Variants in PAX7 observed in about 807,000 individuals in gnomAD.
PAX7 encodes paired box protein Pax-7.
A neutral mutation model predicts 50.7 loss-of-function variants in PAX7; 18 were observed. The ratio of observed to expected loss-of-function variants is 0.36; its 90% confidence interval spans 0.25 to 0.53. The LOEUF (loss-of-function observed/expected upper bound fraction) is 0.53, where lower values mean the gene tolerates loss of function less well. Among genes scored for constraint, PAX7 ranks in the 20% least tolerant of loss-of-function variants. The pLI, the probability that PAX7 is intolerant of heterozygous loss-of-function variation, is 0.93. For missense variants in PAX7, 644 were observed against 702.9 expected (o/e 0.92, Z 0.95); for synonymous variants, 310 against 290.4 (o/e 1.07, Z -0.69).
chr1:18,733,766 A>C (rs2089676834), intron 7 of PAX7, among the ~76,000 whole-genome samples: 1 of 152,132 alleles, frequency 6.6e-6, no homozygotes, highest in Admixed American at 6.5e-5. Flanking sequence ...AGACCCTCTA[A>C]AGTGATCAGA....
rs1431291466 is a variant in PAX7 at position 18,746,162 on chromosome 1, CT to C, written c.*1234del. 7 of 231,940 alleles carry C rather than the reference CT, an allele frequency of 3.0e-5. No individual in the cohort carries two copies. Among genetic ancestry groups the C allele is most frequent in the African/African-American group, 1.1e-4 (5 of 45,358 alleles). 14.4% of individuals were successfully genotyped at this position (231,940 alleles called of 1,614,324 possible). On this transcript the variant is annotated 3_prime_UTR_variant, in exon 9 of 9. Coordinates refer to ENST00000420770, the MANE Select transcript of PAX7 (RefSeq NM_001135254.2). ...TGCCCCACAGACAAGATGATCCCCC[CT>C]GGCATGTTGTTAGGGGCAAATTGCT...
chr1:18,634,267 A>C lies in PAX7; in HGVS notation c.86-36A>C. 1 of 1,547,068 alleles carries C rather than the reference A, an allele frequency of 6.5e-7. No individual in the cohort carries two copies. The highest frequency in any genetic ancestry group is 8.9e-7 in the Non-Finnish European group (1 of 1,125,724). On this transcript the variant is annotated intron_variant, in intron 1 of 8. Coordinates refer to ENST00000420770, the MANE Select transcript of PAX7 (RefSeq NM_001135254.2). The surrounding 1 kb of genome is among the most constrained non-coding windows in gnomAD (Gnocchi z 4.0). ...TGTCTGCTCTCCATCCTCACCCTGC[A>C]CCTCTCTCCTTCTGCATCTCCCCTC...
rs571319511 is a variant in PAX7, at chr1:18,700,348, G to T, written c.787-305G>T. ...GAGCACTGGCCTGAGAGCCACACAG[G>T]ACTGGCTGGACCACTGACTCAACCT... On this transcript the variant is annotated intron_variant, in intron 5 of 8. Coordinates refer to ENST00000420770, the MANE Select transcript of PAX7 (RefSeq NM_001135254.2). This position sits in a 1 kb window ranked among gnomAD's most constrained non-coding sequence, Gnocchi z 4.8. Among the ~76,000 whole-genome samples, 66 of 152,220 alleles carry T rather than the reference G, an allele frequency of 4.3e-4. 1 individual carries two copies. The South Asian group carries it at 5.2e-3, about 12-fold the overall frequency.
intron 5 of PAX7, 81 bp downstream of exon 5, chr1:18,692,034 T>C: frequency 8.9e-6 from 12 of 1,344,830 alleles, no homozygotes; most frequent in Non-Finnish European, 1.2e-5. Context: ...TCAGTGGGTT[T>C]AATGGGACCC....
intron 4 of PAX7, among the ~76,000 whole-genome samples, chr1:18,660,827 C>T (rs1024825351): frequency 4.6e-5 from 7 of 151,868 alleles, no homozygotes; most frequent in East Asian, 3.9e-4. Flanking sequence ...AGAGGACTCA[C>T]GGGGGTGGGG....
intron 4 of PAX7, among the ~76,000 whole-genome samples, chr1:18,637,908 G>A (rs566637145): frequency 1.4e-4 from 22 of 152,364 alleles, no homozygotes; most frequent in South Asian, 1.2e-3. Context: ...GTCTGCGGCG[G>A]GAGGCAGCCC....
intron 4 of PAX7, among the ~76,000 whole-genome samples, chr1:18,662,634 A>T (rs2088616588): frequency 6.6e-6 from 1 of 152,120 alleles, no homozygotes. Flanking sequence ...GCAGTGGCAC[A>T]ATCTAAGCTC....
At position 18,661,833 on chromosome 1, in the gene PAX7, G is replaced by A. The variant is rs369177257; in HGVS notation, c.586+25462G>A. Among the ~76,000 whole-genome samples the A allele has an allele frequency of 3.4e-3, 522 of 152,334 alleles. 4 individuals carry two copies. Among genetic ancestry groups the A allele is most frequent in the African/African-American group, 0.012 (491 of 41,580 alleles). On this transcript the variant is annotated intron_variant, in intron 4 of 8. Coordinates refer to ENST00000420770, the MANE Select transcript of PAX7 (RefSeq NM_001135254.2). ...GAGCACAGCCCTGCCCTCTGCCCGC[G>A]CCTTCCAGTGACAGGGGGTGGGCGG... is the stretch of plus-strand genomic sequence containing the variant.
intron 7 of PAX7, among the ~76,000 whole-genome samples, chr1:18,711,599 A>T (rs2089352309): frequency 1.3e-5 from 2 of 152,082 alleles, no homozygotes; most frequent in Non-Finnish European, 2.9e-5. Context: ...AGCAGGGGAA[A>T]GGCTGTCTCC....
At chr1:18,682,697 G>A (rs2088916772) in intron 4 of PAX7, among the ~76,000 whole-genome samples, 1 of 152,206 alleles carries the variant, frequency 6.6e-6, no homozygotes, top group African/African-American at 2.4e-5. Context: ...GTTTAGCCTT[G>A]GTCCAAGGGC....
intron 8 of PAX7, among the ~76,000 whole-genome samples, chr1:18,743,890 G>T (rs1237173039): frequency 6.6e-6 from 1 of 152,226 alleles, no homozygotes; most frequent in African/African-American, 2.4e-5. Flanking sequence ...ACACACATAT[G>T]TGCATGTGTG....
At chr1:18,698,980 G>T (rs2100315657) in intron 5 of PAX7, among the ~76,000 whole-genome samples, 1 of 152,308 alleles carries the variant, frequency 6.6e-6, no homozygotes, top group South Asian at 2.1e-4. Context: ...TGGGTGATCA[G>T]GTGCCAGGGG....
At chr1:18,717,156 G>T (rs1439242603) in intron 7 of PAX7, among the ~76,000 whole-genome samples, 1 of 152,208 alleles carries the variant, frequency 6.6e-6, no homozygotes, top group Non-Finnish European at 1.5e-5. Context: ...GTCTCCCCGA[G>T]ATAAGGACGC....
intron 4 of PAX7, among the ~76,000 whole-genome samples, chr1:18,649,023 C>T (rs557490262): frequency 6.6e-6 from 1 of 152,276 alleles, no homozygotes; most frequent in African/African-American, 2.4e-5. Flanking sequence ...TGACTGGCTG[C>T]TAGGTTCATT....
At chr1:18,635,322 G>A in intron 3 of PAX7, 82 bp downstream of exon 3, 2 of 1,522,706 alleles carry the variant, frequency 1.3e-6, no homozygotes, top group Non-Finnish European at 1.8e-6. Flanking sequence ...GGGAGAGAGG[G>A]GAGAGGAGAT....
intron 4 of PAX7, among the ~76,000 whole-genome samples, chr1:18,639,439 A>C (rs1411099325): frequency 6.8e-6 from 1 of 146,838 alleles, no homozygotes; most frequent in Non-Finnish European, 1.5e-5. Context: ...AGTTATTAGG[A>C]TTGTTGGTGG....
intron 4 of PAX7, among the ~76,000 whole-genome samples, chr1:18,650,587 G>C (rs1303013744): frequency 6.6e-6 from 1 of 152,186 alleles, no homozygotes; most frequent in African/African-American, 2.4e-5. Context: ...TTCTTGATTT[G>C]GGACATCTGA....
At chr1:18,655,520 G>T (rs1188175458) in intron 4 of PAX7, among the ~76,000 whole-genome samples, 1 of 152,188 alleles carries the variant, frequency 6.6e-6, no homozygotes, top group South Asian at 2.1e-4. Flanking sequence ...ACCCTCCACA[G>T]TCCCCAGTGT....
rs773926036 is a variant in PAX7, at chr1:18,634,338, C to G, written c.121C>G (p.Leu41Val). ...GCTTGGCCAAGGCCGGGTCAATCAGCTGGGAGGGGTCTTCATCAATGGGCG... is the reference window on the plus strand; with the variant it reads ...GCTTGGCCAAGGCCGGGTCAATCAGGTGGGAGGGGTCTTCATCAATGGGCG... ...TPLGQGRVNQLGGVFINGRPL... is the reference protein window; with the variant it reads ...TPLGQGRVNQVGGVFINGRPL... The change falls in exon 2 of 9, where the codon CTG (leucine) becomes GTG (valine). Residue 41 changes from leucine (L) to valine (V), a missense_variant. Coordinates refer to ENST00000420770, the MANE Select transcript of PAX7 (RefSeq NM_001135254.2). The surrounding 1 kb of genome is among the most constrained non-coding windows in gnomAD (Gnocchi z 4.0). The G allele has an allele frequency of 6.2e-7, 1 of 1,614,026 alleles. No individual in the cohort carries two copies.
Sources: gnomAD v4.1 joint callset for allele counts (sites outside exome capture counted in the v4.1 genomes callset) on GRCh38, gnomAD v4.1.1 for gene constraint, Gnocchi (gnomAD v3.1) non-coding constraint, MANE v1.5 for transcripts, NCBI Gene and HGNC (gene_info 2026-07-23, HGNC 2026-07-21) for gene names.